The following C2CD3 variants were observed in gnomAD, a reference collection of about 807,000 sequenced individuals.
C2CD3 encodes the protein C2 domain containing 3 centriole elongation regulator.
C2CD3 carries 148 observed loss-of-function variants against 234.0 expected under a neutral mutation model. The ratio of observed to expected loss-of-function variants is 0.63; its 90% confidence interval spans 0.55 to 0.72. C2CD3 has a LOEUF of 0.72. C2CD3 is among the 30% of genes least tolerant of loss of function. The pLI is 0.00. For missense variants in C2CD3, 2,577 were observed against 2,811.5 expected, an observed-to-expected ratio of 0.92 and a Z score of 1.89; for synonymous variants, 1,000 against 1,035.4, an observed-to-expected ratio of 0.97 and a Z score of 0.66.
intron 32 of C2CD3, among the ~76,000 whole-genome samples, chr11:74,022,824 C>T (rs956791581): frequency 6.6e-6 from 1 of 152,242 alleles, no homozygotes; most frequent in Non-Finnish European, 1.5e-5. Flanking sequence ...GCAAATGGAT[C>T]GCTGTGCTGC....
chr11:74,122,899 G>A lies in C2CD3; in HGVS notation c.1365+89C>T, dbSNP rs60834556. Reference sequence around the variant, plus strand: ...ATTAAAATTAAGTAAGGTAAGTTATGTAAAATGCATAGCTGTCATGCCTGC... The same window carrying A: ...ATTAAAATTAAGTAAGGTAAGTTATATAAAATGCATAGCTGTCATGCCTGC... On this transcript the variant is annotated intron_variant, in intron 8 of 32. Transcript: ENST00000334126. The A allele has an allele frequency of 0.25, 171,831 of 696,724 alleles. 16,522 individuals are homozygous for A. Among genetic ancestry groups the A allele is most frequent in the East Asian group, 0.33 (11,645 of 35,462 alleles). The allele number at this position is 696,724 out of a possible 1,614,324, so 43.2% of individuals were successfully genotyped here. A position where few individuals can be genotyped will look rare whatever the true frequency, so the allele number is the denominator to read the frequency against.
Position 74,034,093 on chromosome 11 carries a change from G to A in C2CD3, c.6067C>T (p.Pro2023Ser). 1 of 1,536,222 alleles carries A rather than the reference G, an allele frequency of 6.5e-7. No homozygotes were observed. ...DKGTDSPSPP[P>S]LEETSNGGRM... Reference sequence around the variant, plus strand: ...CCTCCATTTGAAGTCTCTTCGAGAGGAGGGGGTGATGGGGAATCTGTGCCT... The same window carrying A: ...CCTCCATTTGAAGTCTCTTCGAGAGAAGGGGGTGATGGGGAATCTGTGCCT... Residue 2023 changes from proline (P) to serine (S), a missense_variant, in exon 31 of 33, where the codon CCT becomes TCT. Coordinates refer to ENST00000334126, the MANE Select transcript of C2CD3 (RefSeq NM_001286577.2).
rs1955170908 is a variant in C2CD3, at chr11:74,078,410, G to A, written c.4308C>T (p.Tyr1436=). ...CATGATCATAGAACTTGTAGCGAAGGTAGCAATATGTATTCTTATGAATGT... is the reference window on the plus strand; with the variant it reads ...CATGATCATAGAACTTGTAGCGAAGATAGCAATATGTATTCTTATGAATGT... The part of the protein sequence containing the change: ...HNHIHKNTYC[Y]LRYKFYDHEA... The change falls in exon 23 of 33, where the codon TAC becomes TAT. Residue 1436 remains tyrosine (Y), a synonymous_variant. Coordinates refer to ENST00000334126, the MANE Select transcript of C2CD3 (RefSeq NM_001286577.2). The A allele has an allele frequency of 1.2e-6, 2 of 1,614,054 alleles. No homozygotes were observed. Among genetic ancestry groups the A allele is most frequent in the Admixed American group, 1.7e-5 (1 of 60,006 alleles).
At chr11:74,128,114 C>T (rs929323252) in intron 7 of C2CD3, among the ~76,000 whole-genome samples, 3 of 152,222 alleles carry the variant, frequency 2.0e-5, no homozygotes, top group East Asian at 1.9e-4. Context: ...CCGCCTGCCT[C>T]GGCCTCCCAA....
chr11:74,074,373 G>C lies in C2CD3; in HGVS notation c.4831C>G (p.Gln1611Glu), dbSNP rs371199604. 1 of 1,614,108 alleles carries C rather than the reference G, an allele frequency of 6.2e-7. No homozygotes were observed. The highest frequency in any genetic ancestry group is 8.5e-7 in the Non-Finnish European group (1 of 1,180,038). The change falls in exon 24 of 33, where the codon CAG becomes GAG. Residue 1611 changes from glutamine (Q) to glutamate (E), a missense_variant. Gln to Glu is a conservative substitution (Grantham distance 29). Coordinates refer to ENST00000334126, the MANE Select transcript of C2CD3 (RefSeq NM_001286577.2). Reference sequence around the variant, plus strand: ...GCTGTGGTGCTGCTGCAGGGGACCTGGGTGGAGGCAGGAGACTTCTGGTGG... The same window carrying C: ...GCTGTGGTGCTGCTGCAGGGGACCTCGGTGGAGGCAGGAGACTTCTGGTGG... ...SCHQKSPAST[Q>E]VPCSSTTAEV...
At chr11:74,116,145 G>A (rs535223494) in intron 9 of C2CD3, among the ~76,000 whole-genome samples, 1 of 152,236 alleles carries the variant, frequency 6.6e-6, no homozygotes, top group Admixed American at 6.5e-5. Flanking sequence ...AAACTAAAAA[G>A]CTTCTGCACA....
intron 32 of C2CD3, among the ~76,000 whole-genome samples, chr11:74,020,285 C>T (rs1952033076): frequency 6.6e-6 from 1 of 152,236 alleles, no homozygotes; most frequent in South Asian, 2.1e-4. Flanking sequence ...AGTCCAGGCC[C>T]ATCTCTTCCC....
chr11:74,143,713 T>C (rs1290183792), intron 3 of C2CD3, among the ~76,000 whole-genome samples: 1 of 151,776 alleles, frequency 6.6e-6, no homozygotes, highest in Non-Finnish European at 1.5e-5. Context: ...GTTGAAAAAT[T>C]TTAAGTCTAG....
intron 3 of C2CD3, among the ~76,000 whole-genome samples, chr11:74,150,526 A>AAAAAAAAAAAAT (rs1855563760): frequency 3.5e-5 from 2 of 57,702 alleles, no homozygotes; most frequent in East Asian, 3.8e-4. Context: ...CAAAAAAAAA[A>AAAAAAAAAAAAT]CAAAACAAAT....
chr11:74,160,717 A>G (rs1305165761), intron 3 of C2CD3, among the ~76,000 whole-genome samples: 1 of 152,188 alleles, frequency 6.6e-6, no homozygotes, highest in Non-Finnish European at 1.5e-5. Flanking sequence ...GTATATTTCA[A>G]AATAGCCAGA....
intron 3 of C2CD3, among the ~76,000 whole-genome samples, chr11:74,156,664 G>A (rs1261825555): frequency 3.9e-5 from 6 of 151,984 alleles, no homozygotes; most frequent in Non-Finnish European, 7.4e-5. Flanking sequence ...GAAAGAAAAA[G>A]AAAAACATAA....
rs546672297 is a variant in C2CD3, at chr11:74,033,410, G to T, written c.6750C>A (p.Asp2250Glu). The change falls in exon 31 of 33, where the codon GAC becomes GAA. Residue 2250 changes from aspartate (D) to glutamate (E), a missense_variant. Physicochemically the swap from Asp to Glu is conservative, Grantham distance 45 (BLOSUM62 2). Coordinates refer to ENST00000334126, the MANE Select transcript of C2CD3 (RefSeq NM_001286577.2). Reference protein sequence around the residue: ...NHKGPPIDSSDIRQRQVTTGS... With the variant: ...NHKGPPIDSSEIRQRQVTTGS... Reference sequence around the variant, plus strand: ...CAGTTGTCACCTGCCTCTGCCTGATGTCAGAGGAGTCGATGGGTGGTCCCT... The same window carrying T: ...CAGTTGTCACCTGCCTCTGCCTGATTTCAGAGGAGTCGATGGGTGGTCCCT... 3 of 1,536,176 alleles carry T rather than the reference G, an allele frequency of 2.0e-6. No homozygotes were observed. The highest frequency in any genetic ancestry group is 2.6e-6 in the Non-Finnish European group (3 of 1,146,918).
At chr11:74,019,460 G>A (rs779554247) in intron 32 of C2CD3, among the ~76,000 whole-genome samples, 1 of 152,210 alleles carries the variant, frequency 6.6e-6, no homozygotes, top group African/African-American at 2.4e-5. Context: ...CTAGGGACTT[G>A]GTGGTTTAAT....
At chr11:74,071,571 T>G (rs188785365) in intron 24 of C2CD3, among the ~76,000 whole-genome samples, 1 of 152,364 alleles carries the variant, frequency 6.6e-6, no homozygotes, top group Non-Finnish European at 1.5e-5. Context: ...GAAATGATTA[T>G]GTATTGTAAT....
At chr11:74,149,368 AT>A (rs574414595) in intron 3 of C2CD3, among the ~76,000 whole-genome samples, 3 of 102,970 alleles carry the variant, frequency 2.9e-5, no homozygotes, top group South Asian at 5.7e-4. Flanking sequence ...TAAAAAAAAA[AT>A]TTTTTTTTCT....
At chr11:74,163,037 A>T (rs1048445161) in intron 2 of C2CD3, among the ~76,000 whole-genome samples, 3 of 152,200 alleles carry the variant, frequency 2.0e-5, no homozygotes, top group Non-Finnish European at 4.4e-5. Context: ...AAGAAATATA[A>T]TGTATGCATA....
chr11:74,132,596 C>T (rs1957711822), intron 7 of C2CD3, among the ~76,000 whole-genome samples: 1 of 152,104 alleles, frequency 6.6e-6, no homozygotes, highest in Non-Finnish European at 1.5e-5. Context: ...CATGTTAACA[C>T]TGGTATTGGG....
chr11:74,020,786 G>A (rs1460630089), intron 32 of C2CD3, among the ~76,000 whole-genome samples: 1 of 152,200 alleles, frequency 6.6e-6, no homozygotes, highest in Non-Finnish European at 1.5e-5. Context: ...TTTCTGGCCT[G>A]CCTATCCTCA....
At chr11:74,154,413 C>T (rs575597053) in intron 3 of C2CD3, among the ~76,000 whole-genome samples, 7 of 151,636 alleles carry the variant, frequency 4.6e-5, no homozygotes, top group African/African-American at 1.7e-4. Flanking sequence ...AAAGTCTCTA[C>T]TTATTAAAAA....
Sources: allele counts gnomAD v4.1 joint callset (sites outside exome capture counted in the v4.1 genomes callset), GRCh38; gene constraint gnomAD v4.1.1; transcripts MANE v1.5; gene names NCBI Gene and HGNC (gene_info 2026-07-23, HGNC 2026-07-21).